Variants in PTPN12 observed in about 807,000 individuals in gnomAD.
The protein encoded by PTPN12 is protein tyrosine phosphatase non-receptor type 12, also known as tyrosine-protein phosphatase non-receptor type 12.
In PTPN12, 29 loss-of-function variants were observed where a neutral mutation model predicts 97.6. The ratio of observed to expected loss-of-function variants is 0.30; its 90% CI spans 0.22 to 0.41. PTPN12 has a LOEUF of 0.41. Ranked by LOEUF, PTPN12 falls within the 10% of genes least tolerant of loss-of-function variation. The pLI is 1.00. For missense variants in PTPN12, 819 were observed against 926.0 expected (o/e 0.88, Z 1.50); for synonymous variants, 327 against 300.4 (o/e 1.09, Z -0.91).
chr7:77,538,013 G>C, intron 1 of PTPN12: 3 of 1,025,410 alleles, frequency 2.9e-6, no homozygotes, highest in Non-Finnish European at 2.3e-6. Flanking sequence ...ACCTCCCCGC[G>C]CAGTTCGCTC....
intron 1 of PTPN12, among the ~76,000 whole-genome samples, chr7:77,549,311 C>T (rs2151299110): frequency 6.6e-6 from 1 of 152,236 alleles, no homozygotes; most frequent in African/African-American, 2.4e-5. Flanking sequence ...ATGAACTCCA[C>T]CCACCTTCTT....
At chr7:77,574,814 A>T (rs1787286576) in intron 2 of PTPN12, among the ~76,000 whole-genome samples, 1 of 151,864 alleles carries the variant, frequency 6.6e-6, no homozygotes, top group Admixed American at 6.6e-5. Context: ...GTAAATTTCT[A>T]GTTATTTTGA....
chr7:77,583,050 A>G (rs765886182), intron 3 of PTPN12, among the ~76,000 whole-genome samples: 1 of 152,178 alleles, frequency 6.6e-6, no homozygotes, highest in African/African-American at 2.4e-5. Flanking sequence ...CCAGTTTAGT[A>G]TTTTAGTCAG....
chr7:77,571,089 A>G lies in PTPN12; in HGVS notation c.111A>G (p.Arg37=), dbSNP rs2151318449. ...NFARDFMRLR[R]LSTKYRTEKI... ...TGTTGTATTTTAAGCGGTTAAGAAG[A>G]TTGTCTACCAAATATAGAACAGAAA... Residue 37 remains arginine (R), a synonymous_variant, in exon 2 of 18, where the codon AGA becomes AGG. Transcript: ENST00000248594. 6.4e-7 allele frequency: 1 copy of G among 1,570,132 alleles called. No individual in the cohort carries two copies. Among genetic ancestry groups the G allele is most frequent in the East Asian group, 2.3e-5 (1 of 43,114 alleles).
intron 9 of PTPN12, 98 bp downstream of exon 9, chr7:77,607,399 CAT>C (rs1326045305): frequency 3.1e-5 from 28 of 906,816 alleles, no homozygotes; most frequent in Non-Finnish European, 4.2e-5. Context: ...TTTTATTATA[CAT>C]GTTATTTTTT....
At chr7:77,537,751 G>A (rs1806726231) in intron 1 of PTPN12, 106 bp downstream of exon 1, 3 of 1,209,650 alleles carry the variant, frequency 2.5e-6, no homozygotes, top group Non-Finnish European at 3.3e-6. Flanking sequence ...GAGGAGAGGG[G>A]CGGAGGGGGC....
intron 4 of PTPN12, chr7:77,585,067 T>C (rs1787645720): frequency 1.3e-5 from 2 of 152,428 alleles, no homozygotes; most frequent in African/African-American, 4.8e-5. Context: ...GGCTATACAA[T>C]GTTTACTGTA....
rs759410861 is a variant in PTPN12 at position 77,626,727 on chromosome 7, A to G, written c.1048A>G (p.Lys350Glu). The change falls in exon 13 of 18, where the codon AAA becomes GAA. Residue 350 changes from lysine (K) to glutamate (E), a missense_variant. This residue lies in a region of PTPN12 where 607 missense variants were observed against 577.3 expected (regional missense o/e 1.05). Coordinates refer to ENST00000248594, the MANE Select transcript of PTPN12 (RefSeq NM_002835.4). Reference protein sequence around the residue: ...TRSCLVEGDAKEEILQPPEPH... With the variant: ...TRSCLVEGDAEEEILQPPEPH... ...CAGTTGCCTTGTTGAAGGGGATGCT[A>G]AAGAAGAAATACTGCAGCCACCGGA... 1.2e-6 allele frequency: 2 copies of G among 1,600,982 alleles called. No individual in the cohort carries two copies. The highest frequency in any genetic ancestry group is 1.3e-5 in the African/African-American group (1 of 74,280).
chr7:77,635,894 C>T (rs375032193), intron 15 of PTPN12, 45 bp downstream of exon 15: 6 of 1,313,580 alleles, frequency 4.6e-6, no homozygotes, highest in Admixed American at 4.6e-5. Context: ...AACATTTCTA[C>T]TCTTTTGTTA....
chr7:77,621,490 G>A (rs1486579181), intron 12 of PTPN12, among the ~76,000 whole-genome samples: 1 of 152,106 alleles, frequency 6.6e-6, no homozygotes, highest in African/African-American at 2.4e-5. Flanking sequence ...CCACCATAGC[G>A]AAACCCTGTG....
Position 77,611,020 on chromosome 7 carries a change from G to T in PTPN12, c.913G>T (p.Gly305Ter). Reference sequence around the variant, plus strand: ...ACAGCTACAACTATATGAAATTCATGGAGCTCAGAAAATTGCTGATGGAGT... The same window carrying T: ...ACAGCTACAACTATATGAAATTCATTGAGCTCAGAAAATTGCTGATGGAGT... ...EKQLQLYEIH[G>*]AQKIADGVNE... is the part of the protein sequence containing the mutation. Residue 305 changes from glycine (G) to a stop codon, truncating the protein, a stop_gained, in exon 11 of 18, where the codon GGA becomes TGA. Coordinates refer to ENST00000248594, the MANE Select transcript of PTPN12 (RefSeq NM_002835.4). LOFTEE classifies it high-confidence loss of function. 1.2e-6 allele frequency: 2 copies of T among 1,613,084 alleles called. No homozygotes were observed. Among genetic ancestry groups the T allele is most frequent in the Non-Finnish European group, 1.7e-6 (2 of 1,179,464 alleles).
intron 1 of PTPN12, among the ~76,000 whole-genome samples, chr7:77,569,543 GGT>G (rs1808389699): frequency 6.6e-6 from 1 of 152,102 alleles, no homozygotes; most frequent in Non-Finnish European, 1.5e-5. Context: ...GGCTGAGGCG[GGT>G]GGATCACCTA....
chr7:77,569,659 T>C (rs934672917), intron 1 of PTPN12, among the ~76,000 whole-genome samples: 1 of 152,102 alleles, frequency 6.6e-6, no homozygotes. Flanking sequence ...TAATTCCAGC[T>C]ACTCAGGAGG....
At chr7:77,562,274 C>T (rs1239957615) in intron 1 of PTPN12, among the ~76,000 whole-genome samples, 4 of 152,170 alleles carry the variant, frequency 2.6e-5, no homozygotes, top group Non-Finnish European at 5.9e-5. Flanking sequence ...AAGCTGGTCT[C>T]AAACTCCCAA....
intron 3 of PTPN12, among the ~76,000 whole-genome samples, chr7:77,583,312 G>A (rs1325804886): frequency 6.6e-6 from 1 of 152,056 alleles, no homozygotes; most frequent in Non-Finnish European, 1.5e-5. Context: ...AGCATAAGGC[G>A]GTTCTTAAAT....
At chr7:77,603,469 T>A (rs894906775) in intron 8 of PTPN12, among the ~76,000 whole-genome samples, 1 of 152,240 alleles carries the variant, frequency 6.6e-6, no homozygotes, top group Admixed American at 6.5e-5. Flanking sequence ...AGTGTGTGTA[T>A]GTGTACATAC....
At chr7:77,558,342 C>T (rs942385483) in intron 1 of PTPN12, among the ~76,000 whole-genome samples, 4 of 152,094 alleles carry the variant, frequency 2.6e-5, no homozygotes, top group African/African-American at 7.2e-5. Context: ...AGTTTGGCCA[C>T]TTCTAATAGA....
At chr7:77,555,653 G>A (rs1268014872) in intron 1 of PTPN12, among the ~76,000 whole-genome samples, 2 of 152,106 alleles carry the variant, frequency 1.3e-5, no homozygotes, top group East Asian at 1.9e-4. Context: ...GGTGGCTCAC[G>A]CCTGTAATCC....
At position 77,558,008 on chromosome 7, in the gene PTPN12, C is replaced by T. The variant is rs557414147; in HGVS notation, c.100-13070C>T. Reference sequence around the variant, plus strand: ...GGCAGATCACGTGAGCTCAGAAGTTCGAGACCAGCCTGGCCAACATGGCGA... The same window carrying T: ...GGCAGATCACGTGAGCTCAGAAGTTTGAGACCAGCCTGGCCAACATGGCGA... On this transcript the variant is annotated intron_variant, in intron 1 of 17. Coordinates refer to ENST00000248594, the MANE Select transcript of PTPN12 (RefSeq NM_002835.4). 1.2e-3 allele frequency among the ~76,000 whole-genome samples: 183 copies of T among 151,780 alleles called. 1 individual carries two copies. Among genetic ancestry groups the T allele is most frequent in the African/African-American group, 4.3e-3 (176 of 41,406 alleles).
Sources: gnomAD v4.1 joint callset for allele counts (sites outside exome capture counted in the v4.1 genomes callset) on GRCh38, gnomAD v4.1.1 for gene constraint, gnomAD v4.1.1 regional missense constraint, MANE v1.5 for transcripts, NCBI Gene and HGNC (gene_info 2026-07-23, HGNC 2026-07-21) for gene names.